Variants in GRIK2 observed in about 807,000 individuals in gnomAD.
GRIK2 encodes the protein glutamate ionotropic receptor kainate type subunit 2.
Under a neutral mutation model 100.3 loss-of-function variants are expected in GRIK2, and 32 were observed. That is an observed-to-expected ratio of 0.32 (90% CI 0.24 to 0.43). GRIK2 has a LOEUF of 0.43. Ranked by LOEUF, GRIK2 falls within the 20% of genes least tolerant of loss-of-function variation. The pLI is 1.00. For synonymous variants in GRIK2, 417 were observed against 389.4 expected (o/e 1.07, Z -0.83); for missense variants, 843 against 1,114.9 (o/e 0.76, Z 3.47).
chr6:101,707,894 A>G (rs1277185660), intron 7 of GRIK2, among the ~76,000 whole-genome samples: 1 of 151,710 alleles, frequency 6.6e-6, no homozygotes, highest in African/African-American at 2.4e-5. Flanking sequence ...ATAACGGGTT[A>G]CAGTGAATGT....
intron 6 of GRIK2, among the ~76,000 whole-genome samples, chr6:101,683,340 TTTAG>T (rs1407813089): frequency 6.6e-6 from 1 of 152,244 alleles, no homozygotes; most frequent in Non-Finnish European, 1.5e-5. Flanking sequence ...TTTGCCTGTA[TTTAG>T]TTAGATTTTT....
intron 2 of GRIK2, among the ~76,000 whole-genome samples, chr6:101,524,585 T>C (rs1420575984): frequency 1.3e-5 from 2 of 152,120 alleles, no homozygotes; most frequent in East Asian, 3.9e-4. Context: ...GCCCACATAG[T>C]GTGATGCCCA....
intron 2 of GRIK2, among the ~76,000 whole-genome samples, chr6:101,594,524 TTGAG>T (rs1281916151): frequency 3.3e-5 from 5 of 151,748 alleles, no homozygotes; most frequent in African/African-American, 1.2e-4. Flanking sequence ...TAGCATATGT[TTGAG>T]AAAAAGTTGT....
intron 2 of GRIK2, among the ~76,000 whole-genome samples, chr6:101,423,796 G>A (rs1776542605): frequency 6.6e-6 from 1 of 152,002 alleles, no homozygotes; most frequent in Non-Finnish European, 1.5e-5. Flanking sequence ...ACTACCTTAT[G>A]ATCAGTCAAC....
chr6:101,943,532 A>G (rs1685868988), intron 14 of GRIK2, among the ~76,000 whole-genome samples: 3 of 152,186 alleles, frequency 2.0e-5, no homozygotes, highest in Non-Finnish European at 4.4e-5. Context: ...GCTGTACCCT[A>G]AAGAGCCACA....
In GRIK2 at chr6:101,532,331, G is replaced by A. The variant is rs775139698; in HGVS notation, c.116-89618G>A. 6.0e-4 allele frequency among the ~76,000 whole-genome samples: 91 copies of A among 151,900 alleles called. 1 individual carries two copies. Among genetic ancestry groups the A allele is most frequent in the Non-Finnish European group, 1.1e-3 (78 of 67,906 alleles). On this transcript the variant is annotated intron_variant, in intron 2 of 16. Coordinates refer to ENST00000369134, the MANE Select transcript of GRIK2 (RefSeq NM_021956.5). ...TAACATTTTCTAACATCACCTGATA[G>A]GTCTGATCACTCCTCTTATGTACCT...
chr6:101,793,629 C>T (rs1359638964), intron 7 of GRIK2, among the ~76,000 whole-genome samples: 1 of 152,136 alleles, frequency 6.6e-6, no homozygotes, highest in Non-Finnish European at 1.5e-5. Flanking sequence ...TGGGGGGTGC[C>T]TCCCAGTTAG....
chr6:101,665,674 T>C (rs1450771467), intron 4 of GRIK2, among the ~76,000 whole-genome samples: 1 of 152,206 alleles, frequency 6.6e-6, no homozygotes, highest in Non-Finnish European at 1.5e-5. Flanking sequence ...GTTAGGAGGC[T>C]TTTGTTAGAA....
intron 2 of GRIK2, among the ~76,000 whole-genome samples, chr6:101,552,581 T>G (rs1395008503): frequency 2.0e-5 from 3 of 152,196 alleles, no homozygotes; most frequent in Non-Finnish European, 2.9e-5. Flanking sequence ...TTGGCCTTGC[T>G]CCTTCATGGC....
At chr6:101,931,735 A>T (rs1384207470) in intron 14 of GRIK2, among the ~76,000 whole-genome samples, 1 of 152,176 alleles carries the variant, frequency 6.6e-6, no homozygotes, top group East Asian at 1.9e-4. Flanking sequence ...ACTGGAAAAA[A>T]TAATTCAAAA....
chr6:101,673,011 CT>C (rs1770554774), intron 4 of GRIK2, among the ~76,000 whole-genome samples: 1 of 152,102 alleles, frequency 6.6e-6, no homozygotes, highest in Non-Finnish European at 1.5e-5. Context: ...AGTGGCTGAA[CT>C]AATTTACATT....
At chr6:101,840,490 C>T (rs1783421846) in intron 10 of GRIK2, among the ~76,000 whole-genome samples, 1 of 152,160 alleles carries the variant, frequency 6.6e-6, no homozygotes, top group Admixed American at 6.5e-5. Flanking sequence ...AACCCCACTA[C>T]AGTGACTCAA....
chr6:101,840,756 T>G (rs1184694265), intron 10 of GRIK2, among the ~76,000 whole-genome samples: 1 of 152,136 alleles, frequency 6.6e-6, no homozygotes. Flanking sequence ...CTCTCTTAGC[T>G]TTAGTTCTAC....
At chr6:101,908,559 T>C (rs554486825) in intron 12 of GRIK2, among the ~76,000 whole-genome samples, 49 of 151,374 alleles carry the variant, frequency 3.2e-4, no homozygotes, top group African/African-American at 1.2e-3. Flanking sequence ...TATAAGTTAA[T>C]GTTACCATAA....
At chr6:101,968,556 T>G (rs769761459) in intron 14 of GRIK2, among the ~76,000 whole-genome samples, 4 of 152,030 alleles carry the variant, frequency 2.6e-5, no homozygotes, top group Non-Finnish European at 5.9e-5. Flanking sequence ...TATCCAGCAC[T>G]CTACAATATG....
chr6:101,498,117 G>A (rs1164571527), intron 2 of GRIK2, among the ~76,000 whole-genome samples: 27 of 146,114 alleles, frequency 1.8e-4, no homozygotes, highest in Non-Finnish European at 3.0e-4. Flanking sequence ...AACATGTGGT[G>A]TTTGGTTTTT....
At position 101,423,415 on chromosome 6, in the gene GRIK2, C is replaced by T. The variant is rs185661817; in HGVS notation, c.115+24023C>T. On this transcript the variant is annotated intron_variant, in intron 2 of 16. Transcript: ENST00000369134. ...CAGCACCATTTTACAGTCCTGACAACAGTATACGAGTGTTCCAATTTTCCA... is the reference window on the plus strand; with the variant it reads ...CAGCACCATTTTACAGTCCTGACAATAGTATACGAGTGTTCCAATTTTCCA... 3.8e-3 allele frequency among the ~76,000 whole-genome samples: 572 copies of T among 152,272 alleles called. 10 individuals are homozygous for T. The highest frequency in any genetic ancestry group is 9.0e-4 in the Non-Finnish European group (61 of 68,012).
intron 12 of GRIK2, among the ~76,000 whole-genome samples, chr6:101,909,387 T>TTTTTTG (rs1207451530): frequency 6.9e-5 from 10 of 144,124 alleles, no homozygotes; most frequent in East Asian, 6.0e-4. Context: ...TTTTTCTTTT[T>TTTTTTG]TTTTTTTTTA....
In GRIK2 at chr6:101,868,469, C is replaced by A. The variant is rs2128447174; in HGVS notation, c.1524+8976C>A. Among the ~76,000 whole-genome samples the A allele has an allele frequency of 1.3e-5, 2 of 151,552 alleles. 1 individual carries two copies. Among genetic ancestry groups the A allele is most frequent in the Middle Eastern group, 6.8e-3 (2 of 294 alleles). On this transcript the variant is annotated intron_variant, in intron 11 of 16. Coordinates refer to ENST00000369134, the MANE Select transcript of GRIK2 (RefSeq NM_021956.5). ...GCAGTGGGCCGAAAAATTTGTTTAT[C>A]TGTGGTATATGGAACATCTGTGTGT...
Sources: gnomAD v4.1 joint callset for allele counts (sites outside exome capture counted in the v4.1 genomes callset) on GRCh38, gnomAD v4.1.1 for gene constraint, MANE v1.5 for transcripts, NCBI Gene and HGNC (gene_info 2026-07-23, HGNC 2026-07-21) for gene names.